RELN: variants seen among roughly 807,000 people sequenced by gnomAD.
RELN encodes reelin.
RELN carries 108 observed loss-of-function variants against 427.6 expected under a neutral mutation model. The observed-to-expected ratio is 0.25, with a 90% CI of 0.22 to 0.30. The LOEUF (loss-of-function observed/expected upper bound fraction) is 0.30. Among genes scored for constraint, RELN ranks in the 10% least tolerant of loss-of-function variants. The pLI is 1.00. For synonymous variants in RELN, 1,524 were observed against 1,513.4 expected, an observed-to-expected ratio of 1.01 and a Z score of -0.16; for missense variants, 3,715 against 4,302.8, an observed-to-expected ratio of 0.86 and a Z score of 3.82.
intron 44 of RELN, 24 bp from the exon 45 acceptor site, chr7:103,539,351 C>T: frequency 6.2e-7 from 1 of 1,608,922 alleles, no homozygotes; most frequent in Non-Finnish European, 8.5e-7. Context: ...TTAAAAAATC[C>T]CAAATTTTCC....
intron 63 of RELN, among the ~76,000 whole-genome samples, chr7:103,479,814 G>T (rs528098050): frequency 5.7e-4 from 87 of 151,970 alleles, no homozygotes; most frequent in Non-Finnish European, 1.0e-3. Flanking sequence ...TGTTTTCTTG[G>T]CTAATATGGG....
rs1164660372 is a variant in RELN, at chr7:103,987,094, C to T, written c.226+2037G>A. Among the ~76,000 whole-genome samples the T allele has an allele frequency of 2.2e-5, 3 of 138,458 alleles. 1 individual carries two copies. The highest frequency in any genetic ancestry group is 4.9e-4 in the South Asian group (2 of 4,044). The allele number at this position is 138,458 out of a possible 152,430, so 90.8% of individuals were successfully genotyped here. ...TTTTACAAAAAAAAAAAAAAAAACT[C>T]TTACTTTAAGGCCTATAGCTACAGC... On this transcript the variant is annotated intron_variant, in intron 1 of 64. Transcript: ENST00000428762.
intron 1 of RELN, among the ~76,000 whole-genome samples, chr7:103,937,048 C>A (rs1796003609): frequency 1.3e-5 from 2 of 152,030 alleles, no homozygotes; most frequent in Admixed American, 6.6e-5. Flanking sequence ...TCTTTTTCAT[C>A]TTTATTTTAC....
chr7:103,836,852 T>C (rs1433918343), intron 2 of RELN, among the ~76,000 whole-genome samples: 1 of 152,188 alleles, frequency 6.6e-6, no homozygotes, highest in Non-Finnish European at 1.5e-5. Context: ...ATTCTGCTTC[T>C]TAACTTTCTT....
Position 103,682,177 on chromosome 7 carries a change from C to A in RELN, c.1228G>T (p.Asp410Tyr). 2 of 1,613,950 alleles carry A rather than the reference C, an allele frequency of 1.2e-6. No homozygotes were observed. The highest frequency in any genetic ancestry group is 1.7e-6 in the Non-Finnish European group (2 of 1,179,886). ...EFNFATTRDV[D>Y]LSTEDIQEQW... is the part of the protein sequence containing the mutation. ...TCTTGAATATCTTCTGTGGAAAGAT[C>A]TACATCCCTGGTGGTGGCAAAATTG... The change falls in exon 11 of 65, where the codon GAT becomes TAT. Residue 410 changes from aspartate to tyrosine, a missense_variant. By Grantham distance (160) the Asp-to-Tyr change is radical. Transcript: ENST00000428762.
At position 103,550,059 on chromosome 7, in the gene RELN, T is replaced by C. The variant is rs572297305; in HGVS notation, c.6302+1008A>G. ...TTTAAAAAGATAGTTGGATTTCCTA[T>C]GAGAATCATATCCTGGCATAATCGC... On this transcript the variant is annotated intron_variant, in intron 41 of 64. Coordinates refer to ENST00000428762, the MANE Select transcript of RELN (RefSeq NM_005045.4). Among the ~76,000 whole-genome samples the C allele has an allele frequency of 5.3e-5, 8 of 152,332 alleles. No homozygotes were observed. The East Asian group carries it at 1.2e-3, about 22-fold the overall frequency.
chr7:103,687,030 G>A (rs1270155161), intron 10 of RELN, among the ~76,000 whole-genome samples: 2 of 152,046 alleles, frequency 1.3e-5, no homozygotes, highest in African/African-American at 4.8e-5. Flanking sequence ...AGCTTAAGGA[G>A]TGTTTTTTTT....
chr7:103,523,360 T>A (rs778664761), intron 47 of RELN, 31 bp downstream of exon 47: 1 of 1,613,980 alleles, frequency 6.2e-7, no homozygotes, highest in Non-Finnish European at 8.5e-7. Flanking sequence ...ATCAGGAGCT[T>A]TCAACAGAAG....
chr7:103,612,818 C>A (rs902704208), intron 20 of RELN, among the ~76,000 whole-genome samples: 2 of 152,030 alleles, frequency 1.3e-5, no homozygotes, highest in Non-Finnish European at 2.9e-5. Context: ...TGAAGGCAGG[C>A]AAATTAATTT....
chr7:103,786,222 A>C (rs1792011092), intron 3 of RELN, among the ~76,000 whole-genome samples: 1 of 152,070 alleles, frequency 6.6e-6, no homozygotes, highest in South Asian at 2.1e-4. Flanking sequence ...AAAATTAGTC[A>C]TATTCATACT....
intron 3 of RELN, among the ~76,000 whole-genome samples, chr7:103,794,883 A>C (rs56764559): frequency 0.68 from 103,958 of 151,956 alleles, 35,783 homozygotes; most frequent in East Asian, 0.77. Flanking sequence ...TGATTCAGAA[A>C]CCCTGGTATA....
chr7:103,762,233 C>G lies in RELN; in HGVS notation c.545-9019G>C, dbSNP rs191045656. On this transcript the variant is annotated intron_variant, in intron 4 of 64. Coordinates refer to ENST00000428762, the MANE Select transcript of RELN (RefSeq NM_005045.4). The stretch of plus-strand genomic sequence containing the variant: ...TAGGAGGTGGTGAGTGCTGGAGCAG[C>G]CAGCTTGGCGCCTAGATTTGGAAGC... Among the ~76,000 whole-genome samples, 199 of 152,264 alleles carry G rather than the reference C, an allele frequency of 1.3e-3. 1 individual carries two copies. The highest frequency in any genetic ancestry group is 2.2e-3 in the Non-Finnish European group (149 of 68,024).
At position 103,520,673 on chromosome 7, in the gene RELN, C is replaced by T. The variant is rs528108446; in HGVS notation, c.7669-1157G>A. Among the ~76,000 whole-genome samples, 84 of 152,252 alleles carry T rather than the reference C, an allele frequency of 5.5e-4. 1 individual carries two copies. The South Asian group carries it at 0.014, about 25-fold the overall frequency. ...ATTACTGTAATGTTTTAAATTCACACTTTAGCAGAATTTAATGGCATCTGT... is the reference window on the plus strand; with the variant it reads ...ATTACTGTAATGTTTTAAATTCACATTTTAGCAGAATTTAATGGCATCTGT... On this transcript the variant is annotated intron_variant, in intron 48 of 64. Coordinates refer to ENST00000428762, the MANE Select transcript of RELN (RefSeq NM_005045.4).
chr7:103,959,590 C>T (rs754153267), intron 1 of RELN, among the ~76,000 whole-genome samples: 7 of 151,360 alleles, frequency 4.6e-5, no homozygotes, highest in Non-Finnish European at 1.0e-4. Flanking sequence ...CTCTTGAAGC[C>T]AACCTGACTC....
intron 2 of RELN, among the ~76,000 whole-genome samples, chr7:103,907,351 G>A (rs1457398561): frequency 1.4e-5 from 2 of 138,740 alleles, no homozygotes; most frequent in Non-Finnish European, 3.1e-5. Context: ...AGGAGGTGGA[G>A]GTTGCAATAA....
At chr7:103,686,900 A>T (rs923736073) in intron 10 of RELN, among the ~76,000 whole-genome samples, 2 of 152,188 alleles carry the variant, frequency 1.3e-5, no homozygotes, top group African/African-American at 4.8e-5. Flanking sequence ...ATTTCTAAGA[A>T]TTTAATGGCA....
At chr7:103,774,856 T>C (rs751930971) in intron 4 of RELN, among the ~76,000 whole-genome samples, 25 of 152,210 alleles carry the variant, frequency 1.6e-4, no homozygotes, top group Non-Finnish European at 2.6e-4. Flanking sequence ...GTTTTTCTTC[T>C]GGTCCTGGGC....
chr7:103,552,468 T>C (rs548297570), intron 40 of RELN, among the ~76,000 whole-genome samples: 10 of 152,044 alleles, frequency 6.6e-5, no homozygotes, highest in African/African-American at 2.4e-4. Context: ...TTTGATAAAC[T>C]TTCGAATATA....
At chr7:103,762,393 C>T (rs1321706861) in intron 4 of RELN, among the ~76,000 whole-genome samples, 3 of 152,224 alleles carry the variant, frequency 2.0e-5, no homozygotes, top group African/African-American at 7.2e-5. Flanking sequence ...ACCTCAAGTA[C>T]ATAGAAGCTT....
Sources: gnomAD v4.1 joint callset for allele counts (sites outside exome capture counted in the v4.1 genomes callset) on GRCh38, gnomAD v4.1.1 for gene constraint, MANE v1.5 for transcripts, NCBI Gene and HGNC (gene_info 2026-07-23, HGNC 2026-07-21) for gene names.